Variants in MYO3B observed in about 807,000 individuals in gnomAD.
The protein encoded by MYO3B is myosin IIIB, also known as myosin-IIIb.
In MYO3B, 156 loss-of-function variants were observed where a neutral mutation model predicts 174.6. That is an observed-to-expected ratio of 0.89 (90% CI 0.78 to 1.02). The LOEUF is 1.02. Among genes scored for constraint, MYO3B ranks in the 50% least tolerant of loss-of-function variants. MYO3B has a pLI of 0.00. For missense variants in MYO3B, 1,632 were observed against 1,639.4 expected, an observed-to-expected ratio of 1.00 and a Z score of 0.08; for synonymous variants, 563 against 569.1, an observed-to-expected ratio of 0.99 and a Z score of 0.15.
intron 6 of MYO3B, among the ~76,000 whole-genome samples, chr2:170,221,531 T>C (rs1226405707): frequency 1.3e-5 from 2 of 152,120 alleles, no homozygotes; most frequent in African/African-American, 4.8e-5. Flanking sequence ...ACTATCATAT[T>C]GTCAATACTC....
intron 32 of MYO3B, among the ~76,000 whole-genome samples, chr2:170,598,401 G>A (rs997032797): frequency 1.3e-5 from 2 of 152,238 alleles, no homozygotes; most frequent in Non-Finnish European, 2.9e-5. Context: ...AATAAACAGA[G>A]TGCAGTTTGG....
At chr2:170,636,073 AATGCATTATTGGAT>A in intron 32 of MYO3B, among the ~76,000 whole-genome samples, 2 of 152,210 alleles carry the variant, frequency 1.3e-5, no homozygotes, top group Non-Finnish European at 2.9e-5. Flanking sequence ...GAATATGATT[AATGCATTATTGGAT>A]ATGAGCTGTG....
At chr2:170,223,711 G>A (rs1375879902) in intron 6 of MYO3B, among the ~76,000 whole-genome samples, 3 of 152,148 alleles carry the variant, frequency 2.0e-5, no homozygotes, top group East Asian at 3.8e-4. Flanking sequence ...AGGGGGTTAG[G>A]GGTAGTTGAT....
At chr2:170,207,483 TA>T (rs948739524) in intron 3 of MYO3B, among the ~76,000 whole-genome samples, 3 of 152,044 alleles carry the variant, frequency 2.0e-5, no homozygotes. Flanking sequence ...GCCCAACTGG[TA>T]AAAAACTTTT....
chr2:170,420,178 G>A (rs2094605773), intron 22 of MYO3B, among the ~76,000 whole-genome samples: 1 of 151,950 alleles, frequency 6.6e-6, no homozygotes, highest in Non-Finnish European at 1.5e-5. Flanking sequence ...ACAAGAGGGA[G>A]ACAGTCTCAA....
intron 33 of MYO3B, 46 bp from the exon 34 acceptor site, chr2:170,652,062 G>C (rs749425802): frequency 1.3e-6 from 2 of 1,574,288 alleles, no homozygotes; most frequent in South Asian, 1.2e-5. Flanking sequence ...AAAAATTAAC[G>C]ACTTGCTGCT....
chr2:170,281,254 T>G (rs2105393333), intron 7 of MYO3B, among the ~76,000 whole-genome samples: 1 of 152,262 alleles, frequency 6.6e-6, no homozygotes, highest in South Asian at 2.1e-4. Context: ...AATGGGATTG[T>G]TTTTCTCATT....
intron 32 of MYO3B, among the ~76,000 whole-genome samples, chr2:170,546,143 CT>C (rs1690467424): frequency 6.6e-6 from 1 of 152,176 alleles, no homozygotes; most frequent in African/African-American, 2.4e-5. Context: ...TCCTCGTTTA[CT>C]TTTCAAAATC....
chr2:170,513,533 A>G (rs1009060686), intron 28 of MYO3B, among the ~76,000 whole-genome samples: 1 of 152,182 alleles, frequency 6.6e-6, no homozygotes, highest in African/African-American at 2.4e-5. Flanking sequence ...TTCATCCAGT[A>G]TGACCTCATT....
intron 30 of MYO3B, among the ~76,000 whole-genome samples, chr2:170,520,771 C>G (rs976084664): frequency 2.0e-5 from 3 of 152,056 alleles, no homozygotes; most frequent in Non-Finnish European, 2.9e-5. Flanking sequence ...TCCAGCCAGG[C>G]CAGGCATGAC....
At chr2:170,640,293 A>ATAAC (rs1193187790) in intron 32 of MYO3B, 1 of 152,258 alleles carries the variant, frequency 6.6e-6, no homozygotes. Context: ...CCACTCCAGT[A>ATAAC]TAACAAGAAA....
chr2:170,279,866 C>T (rs10930414), intron 7 of MYO3B, among the ~76,000 whole-genome samples: 149,253 of 152,308 alleles, frequency 0.98, 73,193 homozygotes, highest in Middle Eastern at 1. Flanking sequence ...CAGTCTACCA[C>T]TGATGGACAG....
In MYO3B at chr2:170,466,511, T is replaced by C; in HGVS notation, c.2814T>C (p.Ser938=). ...TGCATTTTTCTCCCTGGTAGTATTC[T>C]CTGATGGACCTGCTCTCCAAAATGG... The part of the protein sequence containing the change: ...RQTVASYFRY[S]LMDLLSKMVV... The change falls in exon 25 of 35, where the codon TCT becomes TCC. Residue 938 remains serine (S), a synonymous_variant. Coordinates refer to ENST00000408978, the MANE Select transcript of MYO3B (RefSeq NM_138995.5). 6.2e-7 allele frequency: 1 copy of C among 1,614,150 alleles called. No individual in the cohort carries two copies. Among genetic ancestry groups the C allele is most frequent in the Non-Finnish European group, 8.5e-7 (1 of 1,180,020 alleles).
intron 30 of MYO3B, among the ~76,000 whole-genome samples, chr2:170,522,799 T>C (rs1191216025): frequency 6.6e-6 from 1 of 152,258 alleles, no homozygotes; most frequent in African/African-American, 2.4e-5. Flanking sequence ...CACATTATCA[T>C]ATCCCTTTCC....
chr2:170,598,741 T>C (rs1694304101), intron 32 of MYO3B, among the ~76,000 whole-genome samples: 1 of 152,162 alleles, frequency 6.6e-6, no homozygotes, highest in African/African-American at 2.4e-5. Context: ...ATTTCCTAGT[T>C]ATGTGAACTT....
At chr2:170,652,767 C>T (rs941922029) in intron 34 of MYO3B, among the ~76,000 whole-genome samples, 2 of 152,042 alleles carry the variant, frequency 1.3e-5, no homozygotes, top group Admixed American at 6.6e-5. Context: ...AAAACTGGAC[C>T]CACTATCAGT....
At chr2:170,327,973 C>T (rs968677168) in intron 7 of MYO3B, among the ~76,000 whole-genome samples, 2 of 151,690 alleles carry the variant, frequency 1.3e-5, no homozygotes, top group Admixed American at 6.6e-5. Context: ...TCCATCTCGG[C>T]TCACTGCAGC....
At chr2:170,360,161 G>A (rs1477943883) in intron 8 of MYO3B, among the ~76,000 whole-genome samples, 4 of 152,106 alleles carry the variant, frequency 2.6e-5, no homozygotes, top group Admixed American at 1.3e-4. Context: ...TTAGAGGATG[G>A]CTGGGTACTC....
Position 170,335,409 on chromosome 2 carries a change from T to C in MYO3B, c.774T>C (p.His258=). ...IPRNPPPTLL[H]PEKWCEEFNH... ...GAAATCCTCCACCTACTTTACTTCA[T>C]CCAGAAAAATGGTGTGAAGAATTCA... Residue 258 remains histidine, a synonymous_variant, in exon 8 of 35, where the codon CAT becomes CAC. Transcript: ENST00000408978. The C allele has an allele frequency of 6.2e-7, 1 of 1,611,608 alleles. No homozygotes were observed. Among genetic ancestry groups the C allele is most frequent in the Non-Finnish European group, 8.5e-7 (1 of 1,178,928 alleles).
Sources: gnomAD v4.1 joint callset for allele counts (sites outside exome capture counted in the v4.1 genomes callset) on GRCh38, gnomAD v4.1.1 for gene constraint, MANE v1.5 for transcripts, NCBI Gene and HGNC (gene_info 2026-07-23, HGNC 2026-07-21) for gene names.